Variants in ANAPC1 observed in about 807,000 individuals in gnomAD.
ANAPC1 encodes the protein anaphase-promoting complex subunit 1.
A neutral mutation model predicts 208.0 loss-of-function variants in ANAPC1; 36 were observed. The observed-to-expected ratio is 0.17, with a 90% CI of 0.13 to 0.23. The LOEUF is 0.23. ANAPC1 is among the 10% of genes least tolerant of loss of function. The probability of loss-of-function intolerance (pLI) is 1.00; values close to 1 mark genes in which losing one functional copy is unlikely to be tolerated. For missense variants in ANAPC1, 942 were observed against 2,011.6 expected, an observed-to-expected ratio of 0.47 and a Z score of 10.17; for synonymous variants, 378 against 695.2, an observed-to-expected ratio of 0.54 and a Z score of 7.18.
chr2:111,837,879 G>C (rs1181982194), intron 18 of ANAPC1, among the ~76,000 whole-genome samples: 1 of 152,012 alleles, frequency 6.6e-6, no homozygotes, highest in Non-Finnish European at 1.5e-5. Flanking sequence ...GACGTCAGGA[G>C]TTCGAGACCA....
At chr2:111,773,333 C>T in intron 46 of ANAPC1, among the ~76,000 whole-genome samples, 1 of 152,318 alleles carries the variant, frequency 6.6e-6, no homozygotes, top group East Asian at 1.9e-4. Flanking sequence ...CATGTTACAG[C>T]CATTTGATTA....
intron 38 of ANAPC1, among the ~76,000 whole-genome samples, chr2:111,788,773 T>C (rs1677705615): frequency 6.6e-6 from 1 of 151,486 alleles, no homozygotes; most frequent in Admixed American, 6.6e-5. Context: ...AAACAGTTTT[T>C]TCTGTTTCTG....
intron 27 of ANAPC1, among the ~76,000 whole-genome samples, chr2:111,816,425 T>C (rs1679243415): frequency 6.6e-6 from 1 of 152,012 alleles, no homozygotes; most frequent in South Asian, 2.1e-4. Context: ...TAGAGATAGT[T>C]TTGTAAAAAG....
intron 39 of ANAPC1, 91 bp from the exon 40 acceptor site, chr2:111,785,568 A>C (rs1677504015): frequency 1.4e-6 from 1 of 727,254 alleles, no homozygotes; most frequent in Non-Finnish European, 2.4e-6. Flanking sequence ...AAGACAGGAC[A>C]GAAGCTCAAG....
chr2:111,869,103 T>C (rs1179906077), intron 6 of ANAPC1, among the ~76,000 whole-genome samples: 1 of 152,216 alleles, frequency 6.6e-6, no homozygotes, highest in African/African-American at 2.4e-5. Context: ...CTTATATACA[T>C]TTAGCTACTT....
chr2:111,852,177 C>A lies in ANAPC1; in HGVS notation c.1516-1267G>T, dbSNP rs543328939. On this transcript the variant is annotated intron_variant, in intron 13 of 47. Coordinates refer to ENST00000341068, the MANE Select transcript of ANAPC1 (RefSeq NM_022662.4). ...ATTAATCACCAAAAAGAAAAAAAAA[C>A]TGAATAAAATTTATAATGCAACTAA... 2.1e-3 allele frequency among the ~76,000 whole-genome samples: 319 copies of A among 149,394 alleles called. 1 individual carries two copies. Among genetic ancestry groups the A allele is most frequent in the Non-Finnish European group, 3.9e-3 (264 of 67,410 alleles).
At position 111,769,401 on chromosome 2, in the gene ANAPC1, T is replaced by G. The variant is rs1217098959; in HGVS notation, c.5725A>C (p.Thr1909Pro). Residue 1909 changes from threonine (T) to proline (P), a missense_variant, in exon 48 of 48, where the codon ACA becomes CCA. Thr to Pro is a conservative substitution (Grantham distance 38, BLOSUM62 -1). Transcript: ENST00000341068. Reference protein sequence around the residue: ...HLPPIGLEGSTSFAELLFKFK... With the variant: ...HLPPIGLEGSPSFAELLFKFK... Reference sequence around the variant, plus strand: ...TTGAAGAGCAGTTCAGCAAAGCTTGTGCTCCCTAAAATGGAAATGGGGTGG... The same window carrying G: ...TTGAAGAGCAGTTCAGCAAAGCTTGGGCTCCCTAAAATGGAAATGGGGTGG... 7.7e-7 allele frequency: 1 copy of G among 1,295,242 alleles called. No individual in the cohort carries two copies. The highest frequency in any genetic ancestry group is 1.5e-5 in the African/African-American group (1 of 68,178). 80.2% of individuals were successfully genotyped at this position (1,295,242 alleles called of 1,614,324 possible).
chr2:111,766,895 C>T (rs1645588854), downstream of ANAPC1: 1 of 468,804 alleles, frequency 2.1e-6, no homozygotes, highest in Non-Finnish European at 4.4e-6. Flanking sequence ...AGTTACTAGA[C>T]AAAGGGTGAG....
At chr2:111,816,343 CTT>C (rs1268072252) in intron 27 of ANAPC1, among the ~76,000 whole-genome samples, 5 of 150,784 alleles carry the variant, frequency 3.3e-5, no homozygotes, top group Middle Eastern at 3.4e-3. Context: ...CCTTCTCTCT[CTT>C]TTTTTCTCTC....
At chr2:111,827,458 T>C (rs1445949253) in intron 21 of ANAPC1, among the ~76,000 whole-genome samples, 2 of 152,060 alleles carry the variant, frequency 1.3e-5, no homozygotes, top group African/African-American at 2.4e-5. Flanking sequence ...AGTGACTCAA[T>C]AGAAAAAGAG....
At chr2:111,882,975 G>A (rs1683392499) in intron 1 of ANAPC1, among the ~76,000 whole-genome samples, 1 of 151,766 alleles carries the variant, frequency 6.6e-6, no homozygotes, top group Non-Finnish European at 1.5e-5. Context: ...AGATCAGCCT[G>A]GCCAAGATGG....
At chr2:111,784,285 G>A in intron 41 of ANAPC1, 38 bp downstream of exon 41, 1 of 1,613,972 alleles carries the variant, frequency 6.2e-7, no homozygotes, top group Non-Finnish European at 8.5e-7. Flanking sequence ...CTGTTGAATT[G>A]ACCCCTTGGA....
At chr2:111,827,823 A>T (rs1248881607) in intron 21 of ANAPC1, among the ~76,000 whole-genome samples, 1 of 152,150 alleles carries the variant, frequency 6.6e-6, no homozygotes, top group African/African-American at 2.4e-5. Flanking sequence ...AAACGTATCA[A>T]CAAGGGCTTC....
At chr2:111,859,696 A>G (rs1426666547) in intron 10 of ANAPC1, among the ~76,000 whole-genome samples, 1 of 152,114 alleles carries the variant, frequency 6.6e-6, no homozygotes, top group Non-Finnish European at 1.5e-5. Context: ...CATTCTCTCT[A>G]AGATTATGCA....
intron 28 of ANAPC1, among the ~76,000 whole-genome samples, chr2:111,809,987 C>A (rs1377925988): frequency 1.4e-5 from 2 of 143,796 alleles, no homozygotes; most frequent in African/African-American, 5.2e-5. Flanking sequence ...AAACATACAT[C>A]TGCACAAAAA....
In ANAPC1 at chr2:111,853,402, T is replaced by C. The variant is rs539820320; in HGVS notation, c.1516-2492A>G. 2.8e-3 allele frequency among the ~76,000 whole-genome samples: 423 copies of C among 152,272 alleles called. 2 individuals are homozygous for C. Among genetic ancestry groups the C allele is most frequent in the African/African-American group, 9.6e-3 (399 of 41,568 alleles). ...TGTATGTTCCCACTTTCTTTGCTCA[T>C]CCAGAAGAAGCAACTCTTCAAGTTT... On this transcript the variant is annotated intron_variant, in intron 13 of 47. Coordinates refer to ENST00000341068, the MANE Select transcript of ANAPC1 (RefSeq NM_022662.4).
At position 111,833,055 on chromosome 2, in the gene ANAPC1, C is replaced by T. The variant is rs559240569; in HGVS notation, c.2476+165G>A. Among the ~76,000 whole-genome samples, 3 of 151,748 alleles carry T rather than the reference C, an allele frequency of 2.0e-5. No individual in the cohort carries two copies. The South Asian group carries it at 6.3e-4, about 32-fold the overall frequency. On this transcript the variant is annotated intron_variant, in intron 20 of 47. Coordinates refer to ENST00000341068, the MANE Select transcript of ANAPC1 (RefSeq NM_022662.4). ...ACACTGAAGATATTATGGCTTACTA[C>T]GTGTCAGAAAACAAGCACTACGAAC...
chr2:111,854,096 T>C (rs188712772), intron 13 of ANAPC1, among the ~76,000 whole-genome samples: 2 of 152,298 alleles, frequency 1.3e-5, no homozygotes, highest in Admixed American at 6.5e-5. Context: ...ATGTATTTCA[T>C]AGTAAGACTT....
intron 21 of ANAPC1, among the ~76,000 whole-genome samples, chr2:111,829,862 A>T (rs1339615797): frequency 6.6e-6 from 1 of 151,822 alleles, no homozygotes; most frequent in Non-Finnish European, 1.5e-5. Context: ...TTGAGGTTGA[A>T]AGTTCGAGAC....
Sources: gnomAD v4.1 joint callset for allele counts (sites outside exome capture counted in the v4.1 genomes callset) on GRCh38, gnomAD v4.1.1 for gene constraint, MANE v1.5 for transcripts, NCBI Gene and HGNC (gene_info 2026-07-23, HGNC 2026-07-21) for gene names.